PKNOX2: variants seen among roughly 807,000 people sequenced by gnomAD.
The protein encoded by PKNOX2 is PBX/knotted 1 homeobox 2.
PKNOX2 carries 14 observed loss-of-function variants against 53.1 expected under a neutral mutation model. That is an observed-to-expected ratio of 0.26 (90% CI 0.17 to 0.41). The LOEUF (loss-of-function observed/expected upper bound fraction) is 0.41. Among genes scored for constraint, PKNOX2 ranks in the 10% least tolerant of loss-of-function variants. The probability of loss-of-function intolerance (pLI) is 1.00; values close to 1 mark genes in which losing one functional copy is unlikely to be tolerated. For synonymous variants in PKNOX2, 257 were observed against 242.8 expected, an observed-to-expected ratio of 1.06 and a Z score of -0.54; for missense variants, 496 against 602.8, an observed-to-expected ratio of 0.82 and a Z score of 1.85.
chr11:125,361,520 A>G (rs942963059), intron 4 of PKNOX2, among the ~76,000 whole-genome samples: 1 of 152,148 alleles, frequency 6.6e-6, no homozygotes, highest in African/African-American at 2.4e-5. Context: ...TGCTCTCCCC[A>G]ATGCCAACCA....
intron 1 of PKNOX2, among the ~76,000 whole-genome samples, chr11:125,176,061 G>C (rs78795068): frequency 0.033 from 5,078 of 152,262 alleles, 139 homozygotes; most frequent in Middle Eastern, 0.044. Context: ...GGCTTTCCAT[G>C]ACTTCCTTGT....
chr11:125,261,973 C>T (rs1192710412), intron 2 of PKNOX2, among the ~76,000 whole-genome samples: 1 of 152,252 alleles, frequency 6.6e-6, no homozygotes, highest in Non-Finnish European at 1.5e-5. Context: ...GACAGAGCAA[C>T]TTCCCAACAG....
chr11:125,172,299 C>T (rs1202153911), intron 1 of PKNOX2, among the ~76,000 whole-genome samples: 2 of 152,200 alleles, frequency 1.3e-5, no homozygotes, highest in Non-Finnish European at 2.9e-5. Context: ...GACCTTTCCA[C>T]GTTGGCTTCT....
chr11:125,238,479 A>C (rs1942907531), intron 2 of PKNOX2, among the ~76,000 whole-genome samples: 1 of 152,172 alleles, frequency 6.6e-6, no homozygotes, highest in African/African-American at 2.4e-5. Flanking sequence ...GAGCAAGAGG[A>C]ATACCCTAGG....
intron 2 of PKNOX2, among the ~76,000 whole-genome samples, chr11:125,243,881 C>T (rs2135621694): frequency 6.6e-6 from 1 of 152,322 alleles, no homozygotes; most frequent in South Asian, 2.1e-4. Context: ...CTTGGCCTCC[C>T]AAAGTGCTGG....
chr11:125,245,709 G>T (rs1170034523), intron 2 of PKNOX2, among the ~76,000 whole-genome samples: 1 of 152,222 alleles, frequency 6.6e-6, no homozygotes, highest in Non-Finnish European at 1.5e-5. Context: ...TGGCTTCTGA[G>T]GGATGGGGCA....
At chr11:125,401,627 G>A (rs1954755445) in intron 7 of PKNOX2, among the ~76,000 whole-genome samples, 1 of 152,172 alleles carries the variant, frequency 6.6e-6, no homozygotes, top group Non-Finnish European at 1.5e-5. Context: ...ACTAAGGTAG[G>A]GGCCGGGCTT....
At chr11:125,392,440 C>A (rs7945122) in intron 6 of PKNOX2, among the ~76,000 whole-genome samples, 4,982 of 152,306 alleles carry the variant, frequency 0.033, 198 homozygotes, top group African/African-American at 0.094. Context: ...CCTACATATT[C>A]ATTGCCTCAG....
chr11:125,249,851 C>T (rs1943860377), intron 2 of PKNOX2, among the ~76,000 whole-genome samples: 1 of 152,076 alleles, frequency 6.6e-6, no homozygotes, highest in African/African-American at 2.4e-5. Context: ...GGGTGGATCA[C>T]CTCAGGTTGG....
rs569628525 is a variant in PKNOX2 at position 125,267,095 on chromosome 11, C to G, written c.-130+31980C>G. On this transcript the variant is annotated intron_variant, in intron 2 of 12. Transcript: ENST00000298282. Reference sequence around the variant, plus strand: ...TTCCGTCACCAGCCAAAGCACGGACCCTGATCGGTATCTCCATTTGGCTAA... The same window carrying G: ...TTCCGTCACCAGCCAAAGCACGGACGCTGATCGGTATCTCCATTTGGCTAA... 3.3e-5 allele frequency among the ~76,000 whole-genome samples: 5 copies of G among 152,320 alleles called. No individual in the cohort carries two copies. In the South Asian group the frequency reaches 1.0e-3, roughly 32 times the overall value.
rs1371064249 is a variant in PKNOX2, at chr11:125,392,923, C to T, written c.400-4951C>T. On this transcript the variant is annotated intron_variant, in intron 6 of 12. Transcript: ENST00000298282. Reference sequence around the variant, plus strand: ...CCTGTAATCCCAGCACTTTGGGAGGCCAAGGTGGGCGGATCATGAGGTCAG... The same window carrying T: ...CCTGTAATCCCAGCACTTTGGGAGGTCAAGGTGGGCGGATCATGAGGTCAG... 2.6e-5 allele frequency among the ~76,000 whole-genome samples: 4 copies of T among 151,920 alleles called. No homozygotes were observed. In the East Asian group the frequency reaches 7.7e-4, roughly 29 times the overall value.
intron 1 of PKNOX2, among the ~76,000 whole-genome samples, chr11:125,231,056 A>G (rs1396784583): frequency 6.6e-6 from 1 of 152,102 alleles, no homozygotes; most frequent in African/African-American, 2.4e-5. Context: ...TGGTAGTTTA[A>G]CTCTACTACT....
intron 1 of PKNOX2, among the ~76,000 whole-genome samples, chr11:125,213,453 G>T (rs886169169): frequency 2.6e-4 from 39 of 152,170 alleles, no homozygotes; most frequent in East Asian, 1.2e-3. Context: ...CAGGACAAAA[G>T]ATTTTGTTGT....
At chr11:125,320,356 G>A (rs1235939106) in intron 2 of PKNOX2, among the ~76,000 whole-genome samples, 2 of 152,170 alleles carry the variant, frequency 1.3e-5, no homozygotes, top group Admixed American at 6.5e-5. Flanking sequence ...ATGGTACCCT[G>A]TAGAACAAGA....
chr11:125,341,834 C>T (rs960743666), intron 3 of PKNOX2, among the ~76,000 whole-genome samples: 3 of 152,280 alleles, frequency 2.0e-5, no homozygotes, highest in Non-Finnish European at 4.4e-5. Flanking sequence ...GGCCGCGCCA[C>T]GTCCTCTCGC....
Position 125,367,805 on chromosome 11 carries a change from G to A in PKNOX2, c.88-41G>A, listed in dbSNP as rs538976882. On this transcript the variant is annotated intron_variant, in intron 4 of 12. Coordinates refer to ENST00000298282, the MANE Select transcript of PKNOX2 (RefSeq NM_001382323.2). ...ACTACAGCCTGGAGACCAGCACCCT[G>A]GCCATGCTAACCCACCACCTCCCCT... The A allele has an allele frequency of 4.7e-5, 75 of 1,593,354 alleles. No homozygotes were observed. The South Asian group carries it at 7.7e-4, about 16-fold the overall frequency.
Position 125,201,596 on chromosome 11 carries a change from C to G in PKNOX2, c.-200-33449C>G, listed in dbSNP as rs149121745. On this transcript the variant is annotated intron_variant, in intron 1 of 12. Coordinates refer to ENST00000298282, the MANE Select transcript of PKNOX2 (RefSeq NM_001382323.2). ...TGAAAGGAAGATTGCGCCACCTGTG[C>G]GGCTGCCAAGCTAAGGAGTATCTGA... Among the ~76,000 whole-genome samples, 46 of 152,242 alleles carry G rather than the reference C, an allele frequency of 3.0e-4. No individual in the cohort carries two copies. The East Asian group carries it at 8.7e-3, about 29-fold the overall frequency.
chr11:125,346,085 G>A lies in PKNOX2; in HGVS notation c.-22-5199G>A, dbSNP rs549289998. 1.3e-4 allele frequency among the ~76,000 whole-genome samples: 20 copies of A among 151,856 alleles called. No individual in the cohort carries two copies. In the South Asian group the frequency reaches 4.2e-3, roughly 32 times the overall value. On this transcript the variant is annotated intron_variant, in intron 3 of 12. Coordinates refer to ENST00000298282, the MANE Select transcript of PKNOX2 (RefSeq NM_001382323.2). ...AGCCAGGTTACTAATGCAGCTTTTC[G>A]GTCCCTCCTGCTGAGTTCACTGTGT...
chr11:125,340,981 C>T (rs1382896811), intron 3 of PKNOX2, among the ~76,000 whole-genome samples: 1 of 142,774 alleles, frequency 7.0e-6, no homozygotes, highest in Admixed American at 7.5e-5. Flanking sequence ...ACCCGGAAGG[C>T]AGAGGTTGCA....
Sources: allele counts gnomAD v4.1 joint callset (sites outside exome capture counted in the v4.1 genomes callset), GRCh38; gene constraint gnomAD v4.1.1; transcripts MANE v1.5; gene names NCBI Gene and HGNC (gene_info 2026-07-23, HGNC 2026-07-21).